Variants in EVI5 observed in about 807,000 individuals in gnomAD.
EVI5 encodes ecotropic viral integration site 5.
Under a neutral mutation model 112.0 loss-of-function variants are expected in EVI5, and 73 were observed. The ratio of observed to expected loss-of-function variants is 0.65; its 90% confidence interval spans 0.54 to 0.79. EVI5 has a LOEUF of 0.79. EVI5 is among the 30% of genes least tolerant of loss of function. The pLI is 0.00. For missense variants in EVI5, 900 were observed against 968.8 expected (o/e 0.93, Z 0.94); for synonymous variants, 305 against 319.9 (o/e 0.95, Z 0.50).
chr1:92,744,007 T>G (rs978941061), intron 1 of EVI5, among the ~76,000 whole-genome samples: 10 of 152,232 alleles, frequency 6.6e-5, no homozygotes, highest in African/African-American at 2.4e-4. Context: ...TAAGCACTGC[T>G]TTTGCTGCTT....
chr1:92,604,980 T>C (rs1650038074), intron 18 of EVI5, among the ~76,000 whole-genome samples: 1 of 152,166 alleles, frequency 6.6e-6, no homozygotes, highest in African/African-American at 2.4e-5. Context: ...GAATGGTGGT[T>C]TCCAGTTGCT....
At chr1:92,578,002 A>C (rs1430448678) in intron 18 of EVI5, among the ~76,000 whole-genome samples, 1 of 152,292 alleles carries the variant, frequency 6.6e-6, no homozygotes, top group Admixed American at 6.5e-5. Context: ...CCTGTAAGGA[A>C]AGGCGCTATG....
At chr1:92,785,347 C>T (rs1685510966), upstream of EVI5, among the ~76,000 whole-genome samples, 2 of 152,212 alleles carry the variant, frequency 1.3e-5, no homozygotes, top group East Asian at 1.9e-4. Context: ...CATGTTAAAA[C>T]GGTAGAAGAC....
intron 2 of EVI5, among the ~76,000 whole-genome samples, chr1:92,730,380 T>C (rs1472953603): frequency 1.4e-5 from 2 of 147,566 alleles, no homozygotes; most frequent in African/African-American, 5.0e-5. Context: ...AAGAAGGAAA[T>C]GGAGAAAGAA....
At position 92,509,021 on chromosome 1, in the gene EVI5, C is replaced by CT. The variant is rs1395171607; in HGVS notation, c.*4634dup. On this transcript the variant is annotated 3_prime_UTR_variant, in exon 20 of 20. Transcript: ENST00000684568. ...TAATAGAGCAGCAGTAACTTTCAAG[C>CT]TAAAACTCATTGTTTTGGTAAGTAA... 1.3e-5 allele frequency: 2 copies of CT among 152,102 alleles called. No homozygotes were observed. The highest frequency in any genetic ancestry group is 4.8e-5 in the African/African-American group (2 of 41,412). The allele number at this position is 152,102 out of a possible 1,614,324, so 9.4% of individuals were successfully genotyped here. A position where few individuals can be genotyped will look rare whatever the true frequency, so the allele number is the denominator to read the frequency against.
At chr1:92,547,032 C>T (rs554001662) in intron 19 of EVI5, among the ~76,000 whole-genome samples, 29 of 152,334 alleles carry the variant, frequency 1.9e-4, no homozygotes, top group Middle Eastern at 3.4e-3. Flanking sequence ...CACCCCAAAT[C>T]AACAGAATAT....
At chr1:92,526,563 C>A (rs1164463721) in intron 19 of EVI5, among the ~76,000 whole-genome samples, 7 of 152,034 alleles carry the variant, frequency 4.6e-5, no homozygotes, top group Non-Finnish European at 8.8e-5. Flanking sequence ...CATGGAGGAA[C>A]CTTAAATGCA....
intron 19 of EVI5, among the ~76,000 whole-genome samples, chr1:92,543,061 T>C (rs1665087625): frequency 6.6e-6 from 1 of 152,202 alleles, no homozygotes; most frequent in Non-Finnish European, 1.5e-5. Flanking sequence ...ACAGCTGCAT[T>C]AGGCCCTAAC....
chr1:92,581,856 T>C (rs906847482), intron 18 of EVI5, among the ~76,000 whole-genome samples: 1 of 152,128 alleles, frequency 6.6e-6, no homozygotes, highest in African/African-American at 2.4e-5. Context: ...GCATAGAAGG[T>C]CAATACATGA....
At chr1:92,693,985 G>A (rs1669907131) in intron 8 of EVI5, 86 bp from the exon 9 acceptor site, 4 of 843,528 alleles carry the variant, frequency 4.7e-6, no homozygotes, top group African/African-American at 3.4e-5. Context: ...TTATGGGCTG[G>A]GCGTGGTGGC....
chr1:92,515,743 G>A (rs1178906591), intron 19 of EVI5, among the ~76,000 whole-genome samples: 1 of 152,178 alleles, frequency 6.6e-6, no homozygotes, highest in Non-Finnish European at 1.5e-5. Flanking sequence ...TAACGGTCCT[G>A]AGAATAAAGA....
chr1:92,735,375 G>A (rs115610604), intron 2 of EVI5, among the ~76,000 whole-genome samples: 6 of 151,958 alleles, frequency 3.9e-5, no homozygotes, highest in East Asian at 1.9e-4. Flanking sequence ...GGACAGCGAC[G>A]GGGATAATGG....
At chr1:92,630,455 A>G (rs1045666922) in intron 14 of EVI5, among the ~76,000 whole-genome samples, 8 of 152,274 alleles carry the variant, frequency 5.3e-5, no homozygotes, top group East Asian at 3.9e-4. Context: ...TTTTGGCTGC[A>G]TAAGTGTCTT....
intron 2 of EVI5, among the ~76,000 whole-genome samples, chr1:92,714,746 C>A (rs1160394103): frequency 6.6e-6 from 1 of 152,130 alleles, no homozygotes; most frequent in African/African-American, 2.4e-5. Context: ...CATGCCATCA[C>A]ACCCAGCTAA....
intron 14 of EVI5, among the ~76,000 whole-genome samples, chr1:92,633,411 C>T (rs1657647960): frequency 6.6e-6 from 1 of 152,174 alleles, no homozygotes; most frequent in African/African-American, 2.4e-5. Context: ...GAATTGATCC[C>T]TTTACCATTA....
intron 1 of EVI5, among the ~76,000 whole-genome samples, chr1:92,767,470 G>T (rs1394713183): frequency 1.3e-5 from 2 of 152,188 alleles, no homozygotes; most frequent in Non-Finnish European, 2.9e-5. Context: ...ATCTCCCGAG[G>T]ATAAGGGGGA....
intron 5 of EVI5, among the ~76,000 whole-genome samples, chr1:92,699,153 G>A (rs912594396): frequency 6.6e-6 from 1 of 152,018 alleles, no homozygotes; most frequent in Admixed American, 6.6e-5. Context: ...GGCAAAACCT[G>A]CACTTCTTCC....
At position 92,509,358 on chromosome 1, in the gene EVI5, T is replaced by G. The variant is rs1180201988; in HGVS notation, c.*4298A>C. 1 of 152,622 alleles carries G rather than the reference T, an allele frequency of 6.6e-6. No homozygotes were observed. Among genetic ancestry groups the G allele is most frequent in the African/African-American group, 2.4e-5 (1 of 41,436 alleles). 9.5% of individuals were successfully genotyped at this position (152,622 alleles called of 1,614,324 possible). On this transcript the variant is annotated 3_prime_UTR_variant, in exon 20 of 20. Transcript: ENST00000684568. ...TCTCCTTCCCAAATAACTGGCTGAT[T>G]AGTAGAAACCTGTCATCTCAGCAAA...
intron 19 of EVI5, among the ~76,000 whole-genome samples, chr1:92,532,080 G>A (rs1232627411): frequency 6.8e-6 from 1 of 147,676 alleles, no homozygotes; most frequent in Non-Finnish European, 1.5e-5. Context: ...CAAAATAAAC[G>A]GATGGAGGAG....
Sources: gnomAD v4.1 joint callset for allele counts (sites outside exome capture counted in the v4.1 genomes callset) on GRCh38, gnomAD v4.1.1 for gene constraint, MANE v1.5 for transcripts, NCBI Gene and HGNC (gene_info 2026-07-23, HGNC 2026-07-21) for gene names.